Variants in RANBP10 observed in about 807,000 individuals in gnomAD.
The protein encoded by RANBP10 is ran-binding protein 10.
A neutral mutation model predicts 72.8 loss-of-function variants in RANBP10; 24 were observed. The ratio of observed to expected loss-of-function variants is 0.33; its 90% CI spans 0.24 to 0.46. The LOEUF is 0.46. Among genes scored for constraint, RANBP10 ranks in the 20% least tolerant of loss-of-function variants. The probability of loss-of-function intolerance (pLI) is 1.00; values close to 1 mark genes in which losing one functional copy is unlikely to be tolerated. For missense variants in RANBP10, 679 were observed against 817.5 expected (o/e 0.83, Z 2.07); for synonymous variants, 310 against 322.3 (o/e 0.96, Z 0.41).
intron 3 of RANBP10, among the ~76,000 whole-genome samples, chr16:67,747,051 A>C (rs542789001): frequency 3.3e-5 from 5 of 152,346 alleles, no homozygotes; most frequent in Admixed American, 6.5e-5. Flanking sequence ...AATACTTACA[A>C]GTGGTATTAC....
chr16:67,783,346 G>A (rs969565753), intron 2 of RANBP10, among the ~76,000 whole-genome samples: 1 of 152,072 alleles, frequency 6.6e-6, no homozygotes, highest in Non-Finnish European at 1.5e-5. Flanking sequence ...GGAAGGAGAC[G>A]ACCCCTTTAC....
rs1351233944 is a variant in RANBP10, at chr16:67,734,845, G to A, written c.776+13C>T. On this transcript the variant is annotated intron_variant, in intron 6 of 13. Coordinates refer to ENST00000317506, the MANE Select transcript of RANBP10 (RefSeq NM_020850.3). Reference sequence around the variant, plus strand: ...GGGGTGGGAGTGGGTAAGGGCAGGAGCAGGGCACTCACTTCTGCAGCACTG... The same window carrying A: ...GGGGTGGGAGTGGGTAAGGGCAGGAACAGGGCACTCACTTCTGCAGCACTG... The A allele has an allele frequency of 1.3e-6, 2 of 1,566,424 alleles. No individual in the cohort carries two copies. Among genetic ancestry groups the A allele is most frequent in the Non-Finnish European group, 1.7e-6 (2 of 1,152,324 alleles).
chr16:67,785,731 C>CA lies in RANBP10; in HGVS notation c.348-13646dup, dbSNP rs61683439. On this transcript the variant is annotated intron_variant, in intron 2 of 13. Transcript: ENST00000317506. ...AAACAGAGTGAGTGAGACTCCATCTCAAAAAAAAAAAAAAAGCCAGGCACA... is the reference window on the plus strand; with the variant it reads ...AAACAGAGTGAGTGAGACTCCATCTCAAAAAAAAAAAAAAAAGCCAGGCACA... Among the ~76,000 whole-genome samples the CA allele has an allele frequency of 7.5e-3, 536 of 71,680 alleles. 30 individuals are homozygous for CA. Among genetic ancestry groups the CA allele is most frequent in the Middle Eastern group, 0.042 (4 of 96 alleles). 47.0% of individuals were successfully genotyped at this position (71,680 alleles called of 152,430 possible).
chr16:67,744,799 G>C (rs1156400798), intron 3 of RANBP10, among the ~76,000 whole-genome samples: 1 of 152,240 alleles, frequency 6.6e-6, no homozygotes, highest in Non-Finnish European at 1.5e-5. Flanking sequence ...CCTTGGAAGT[G>C]TATCTGGCAG....
chr16:67,764,838 T>C (rs1458629460), intron 3 of RANBP10, among the ~76,000 whole-genome samples: 2 of 152,180 alleles, frequency 1.3e-5, no homozygotes, highest in Non-Finnish European at 2.9e-5. Flanking sequence ...GTAGAACATT[T>C]TGGAACATTT....
chr16:67,805,862 G>A (rs1207234425), intron 1 of RANBP10, among the ~76,000 whole-genome samples: 1 of 152,216 alleles, frequency 6.6e-6, no homozygotes, highest in Non-Finnish European at 1.5e-5. Context: ...GAAGAAGGAT[G>A]AGGCCGACCT....
intron 5 of RANBP10, among the ~76,000 whole-genome samples, chr16:67,736,613 C>T (rs946678992): frequency 1.1e-4 from 17 of 152,222 alleles, no homozygotes; most frequent in Non-Finnish European, 2.1e-4. Context: ...TCCAGCAAGC[C>T]TTCCTGACCG....
At chr16:67,771,961 T>A (rs2054614589) in intron 3 of RANBP10, 73 bp downstream of exon 3, 1 of 1,546,526 alleles carries the variant, frequency 6.5e-7, no homozygotes, top group South Asian at 1.2e-5. Context: ...CCAGCCTCTC[T>A]GCTACCACCA....
intron 6 of RANBP10, 39 bp from the exon 7 acceptor site, chr16:67,731,623 T>A: frequency 6.7e-7 from 1 of 1,499,878 alleles, no homozygotes; most frequent in African/African-American, 1.4e-5. Context: ...ACTCAAGAAC[T>A]GCACTTCTCA....
intron 3 of RANBP10, among the ~76,000 whole-genome samples, chr16:67,757,576 A>C (rs1302666511): frequency 6.6e-6 from 1 of 152,184 alleles, no homozygotes; most frequent in Non-Finnish European, 1.5e-5. Flanking sequence ...ACTCACACAG[A>C]GCCATCACTC....
At chr16:67,769,517 A>G (rs2054568980) in intron 3 of RANBP10, among the ~76,000 whole-genome samples, 1 of 145,780 alleles carries the variant, frequency 6.9e-6, no homozygotes, top group East Asian at 2.1e-4. Context: ...AGGCCAAGTC[A>G]GGCGGACCAC....
chr16:67,806,354 G>A lies in RANBP10; in HGVS notation c.183C>T (p.Asp61=). ...TPLPRSWSPK[D]KYNYIGLSQG... is the part of the protein sequence containing the mutation. ...GGGAGAGACCAATGTAGTTGTATTT[G>A]TCCTTGGGGCTCCAGGAGCGCGGCA... Residue 61 remains aspartate (D), a synonymous_variant, in exon 1 of 14, where the codon GAC becomes GAT. Transcript: ENST00000317506. The A allele has an allele frequency of 6.2e-7, 1 of 1,613,568 alleles. No individual in the cohort carries two copies. Among genetic ancestry groups the A allele is most frequent in the African/African-American group, 1.3e-5 (1 of 75,044 alleles).
chr16:67,791,875 C>A (rs1457516059), intron 2 of RANBP10, among the ~76,000 whole-genome samples: 1 of 151,944 alleles, frequency 6.6e-6, no homozygotes, highest in Non-Finnish European at 1.5e-5. Flanking sequence ...ATAGTCTAAT[C>A]GGCCCACTTA....
At chr16:67,790,821 TC>T (rs1467863076) in intron 2 of RANBP10, among the ~76,000 whole-genome samples, 10 of 151,596 alleles carry the variant, frequency 6.6e-5, no homozygotes, top group Non-Finnish European at 1.5e-4. Flanking sequence ...TGCCTCAGCC[TC>T]CTGAGCTGCT....
At chr16:67,793,734 T>G (rs369083490) in intron 2 of RANBP10, among the ~76,000 whole-genome samples, 1 of 152,172 alleles carries the variant, frequency 6.6e-6, no homozygotes, top group South Asian at 2.1e-4. Context: ...GTCCATATAT[T>G]AAACCCCTTT....
chr16:67,764,287 CT>C (rs1183330566), intron 3 of RANBP10, among the ~76,000 whole-genome samples: 1 of 152,190 alleles, frequency 6.6e-6, no homozygotes, highest in Non-Finnish European at 1.5e-5. Flanking sequence ...AGACCAAGTA[CT>C]TCTAAGACAG....
intron 2 of RANBP10, among the ~76,000 whole-genome samples, chr16:67,777,605 T>C (rs2054730613): frequency 1.3e-5 from 2 of 152,010 alleles, no homozygotes; most frequent in African/African-American, 4.8e-5. Context: ...CTATAAAATG[T>C]TGATGAAGGA....
intron 3 of RANBP10, among the ~76,000 whole-genome samples, chr16:67,753,537 G>T (rs1390676808): frequency 2.0e-5 from 3 of 152,150 alleles, no homozygotes; most frequent in Non-Finnish European, 2.9e-5. Context: ...GCAATGGGAG[G>T]GGGGATGAGG....
intron 2 of RANBP10, among the ~76,000 whole-genome samples, chr16:67,774,584 AC>A (rs1448835979): frequency 6.6e-6 from 1 of 152,136 alleles, no homozygotes; most frequent in Non-Finnish European, 1.5e-5. Context: ...ATCTGAGTGG[AC>A]TGTCTAAGGG....
Sources: gnomAD v4.1 joint callset for allele counts (sites outside exome capture counted in the v4.1 genomes callset) on GRCh38, gnomAD v4.1.1 for gene constraint, MANE v1.5 for transcripts, NCBI Gene and HGNC (gene_info 2026-07-23, HGNC 2026-07-21) for gene names.